CNTNAP4: variants seen among roughly 807,000 people sequenced by gnomAD.
CNTNAP4 encodes contactin-associated protein-like 4.
A neutral mutation model predicts 148.4 loss-of-function variants in CNTNAP4; 98 were observed. That is an observed-to-expected ratio of 0.66 (90% CI 0.56 to 0.78). The LOEUF is 0.78. Ranked by LOEUF, CNTNAP4 falls within the 30% of genes least tolerant of loss-of-function variation. CNTNAP4 has a pLI of 0.00. For missense variants in CNTNAP4, 1,935 were observed against 1,565.6 expected, an observed-to-expected ratio of 1.24 and a Z score of -3.98; for synonymous variants, 730 against 565.1, an observed-to-expected ratio of 1.29 and a Z score of -4.14.
At chr16:76,558,450 G>T in intron 23 of CNTNAP4, 40 bp from the exon 24 acceptor site, 1 of 1,217,964 alleles carries the variant, frequency 8.2e-7, no homozygotes, top group South Asian at 1.4e-5. Context: ...GTTTCTATTT[G>T]GACAGAAATT....
chr16:76,298,983 G>A (rs1010620635), intron 1 of CNTNAP4, among the ~76,000 whole-genome samples: 2 of 151,972 alleles, frequency 1.3e-5, no homozygotes, highest in Admixed American at 1.3e-4. Flanking sequence ...TAGTTACAAC[G>A]TCTTATTAAT....
intron 3 of CNTNAP4, among the ~76,000 whole-genome samples, chr16:76,423,927 TTTA>T (rs2079281912): frequency 6.6e-6 from 1 of 152,152 alleles, no homozygotes; most frequent in African/African-American, 2.4e-5. Context: ...TCTCCATTAT[TTTA>T]TTATTATAAA....
intron 1 of CNTNAP4, among the ~76,000 whole-genome samples, chr16:76,288,139 G>A (rs932697761): frequency 5.9e-5 from 9 of 152,024 alleles, no homozygotes; most frequent in African/African-American, 2.2e-4. Context: ...TATAGTGAAT[G>A]AGATCTCGTG....
rs7195325 is a variant in CNTNAP4 at position 76,467,931 on chromosome 16, C to T, written c.1655+408C>T. ...TCAGTTATCAAACTGGCATTTGCTA[C>T]CCTGACAGCAGAATATTTTCCAAGG... On this transcript the variant is annotated intron_variant, in intron 10 of 23. Coordinates refer to ENST00000611870, the MANE Select transcript of CNTNAP4 (RefSeq NM_033401.5). Among the ~76,000 whole-genome samples, 1,087 of 152,256 alleles carry T rather than the reference C, an allele frequency of 7.1e-3. 9 individuals are homozygous for T. Among genetic ancestry groups the T allele is most frequent in the African/African-American group, 0.024 (1,005 of 41,542 alleles).
intron 17 of CNTNAP4, among the ~76,000 whole-genome samples, chr16:76,522,647 T>TCCTTCC (rs1555591035): frequency 7.6e-6 from 1 of 131,584 alleles, no homozygotes. Flanking sequence ...CTTTCTTTCT[T>TCCTTCC]TTCTCTCTTT....
chr16:76,548,551 C>T (rs761590428), intron 21 of CNTNAP4, among the ~76,000 whole-genome samples: 36 of 151,790 alleles, frequency 2.4e-4, no homozygotes, highest in African/African-American at 5.3e-4. Flanking sequence ...TCTAATTTCT[C>T]GGTACTCCAT....
At chr16:76,397,505 C>T (rs1284633365) in intron 3 of CNTNAP4, among the ~76,000 whole-genome samples, 1 of 151,834 alleles carries the variant, frequency 6.6e-6, no homozygotes, top group African/African-American at 2.4e-5. Context: ...GGAGACAGCA[C>T]ACATCAGATA....
intron 2 of CNTNAP4, among the ~76,000 whole-genome samples, chr16:76,325,701 G>T (rs1475644630): frequency 6.6e-6 from 1 of 152,014 alleles, no homozygotes; most frequent in Non-Finnish European, 1.5e-5. Flanking sequence ...ATTTTTCCAT[G>T]CATTCATCCC....
At chr16:76,305,861 C>G (rs1960426770) in intron 1 of CNTNAP4, among the ~76,000 whole-genome samples, 2 of 152,098 alleles carry the variant, frequency 1.3e-5, no homozygotes, top group Non-Finnish European at 2.9e-5. Flanking sequence ...ATGTTTATGT[C>G]CATGTGTGCT....
intron 7 of CNTNAP4, among the ~76,000 whole-genome samples, chr16:76,451,599 ATGTGTGTGTGTGTGTG>A (rs71134761): frequency 7.1e-6 from 1 of 141,256 alleles, no homozygotes; most frequent in Non-Finnish European, 1.5e-5. Context: ...TTTTAGATAG[ATGTGTGTGTGTGTGTG>A]TGTGTGTGTG....
intron 2 of CNTNAP4, among the ~76,000 whole-genome samples, chr16:76,331,722 A>G (rs1174582321): frequency 1.3e-5 from 2 of 152,086 alleles, no homozygotes; most frequent in African/African-American, 4.8e-5. Context: ...TGTTTTATGC[A>G]TTTGTCTTTT....
intron 3 of CNTNAP4, among the ~76,000 whole-genome samples, chr16:76,420,493 A>G (rs1041752538): frequency 6.6e-6 from 1 of 151,940 alleles, no homozygotes; most frequent in African/African-American, 2.4e-5. Flanking sequence ...GAAAGATGGG[A>G]AGTTTACCTT....
chr16:76,482,290 A>G (rs1045471250), intron 12 of CNTNAP4, among the ~76,000 whole-genome samples: 1 of 152,172 alleles, frequency 6.6e-6, no homozygotes, highest in Non-Finnish European at 1.5e-5. Flanking sequence ...TTCTCTTTGC[A>G]TAGCTATGAG....
At chr16:76,317,591 T>C (rs115763709) in intron 2 of CNTNAP4, among the ~76,000 whole-genome samples, 27 of 152,334 alleles carry the variant, frequency 1.8e-4, no homozygotes, top group African/African-American at 6.5e-4. Flanking sequence ...CTCCCATTTA[T>C]TATCCTCCTC....
intron 3 of CNTNAP4, among the ~76,000 whole-genome samples, chr16:76,408,945 A>G (rs1030506556): frequency 3.3e-5 from 5 of 152,174 alleles, no homozygotes; most frequent in African/African-American, 1.2e-4. Context: ...GAAGATGCTT[A>G]TTCCTATTCT....
intron 2 of CNTNAP4, among the ~76,000 whole-genome samples, chr16:76,337,110 A>T (rs1597238089): frequency 6.6e-6 from 1 of 152,214 alleles, no homozygotes; most frequent in Non-Finnish European, 1.5e-5. Flanking sequence ...AATATTATTT[A>T]TTCTGTACAC....
At chr16:76,316,603 A>G (rs946556475) in intron 2 of CNTNAP4, 80 bp downstream of exon 2, 3 of 895,584 alleles carry the variant, frequency 3.3e-6, no homozygotes, top group African/African-American at 1.6e-5. Context: ...GTCATTATGA[A>G]TGATACATGG....
chr16:76,491,882 T>G (rs897208443), intron 13 of CNTNAP4, among the ~76,000 whole-genome samples: 21 of 152,114 alleles, frequency 1.4e-4, no homozygotes, highest in Admixed American at 1.1e-3. Flanking sequence ...CACATTTTCT[T>G]TATCCATTCA....
At chr16:76,503,603 T>A (rs1416245590) in intron 15 of CNTNAP4, among the ~76,000 whole-genome samples, 1 of 152,328 alleles carries the variant, frequency 6.6e-6, no homozygotes, top group South Asian at 2.1e-4. Flanking sequence ...TACGTATACA[T>A]GTGCCATGTT....
Sources: allele counts gnomAD v4.1 joint callset (sites outside exome capture counted in the v4.1 genomes callset), GRCh38; gene constraint gnomAD v4.1.1; transcripts MANE v1.5; gene names NCBI Gene and HGNC (gene_info 2026-07-23, HGNC 2026-07-21).